Variants in TCF7L1 observed in about 807,000 individuals in gnomAD.
TCF7L1 encodes the protein transcription factor 7 like 1, also known as transcription factor 7-like 1.
A neutral mutation model predicts 63.7 loss-of-function variants in TCF7L1; 18 were observed. That is an observed-to-expected ratio of 0.28 (90% CI 0.20 to 0.42). The LOEUF (loss-of-function observed/expected upper bound fraction) is 0.42, where lower values mean the gene tolerates loss of function less well. Ranked by LOEUF, TCF7L1 falls within the 10% of genes least tolerant of loss-of-function variation. The pLI is 1.00. For synonymous variants in TCF7L1, 355 were observed against 340.9 expected, an observed-to-expected ratio of 1.04 and a Z score of -0.46; for missense variants, 654 against 779.3, an observed-to-expected ratio of 0.84 and a Z score of 1.91.
chr2:85,184,442 G>T (rs938431512), intron 3 of TCF7L1, among the ~76,000 whole-genome samples: 1 of 152,116 alleles, frequency 6.6e-6, no homozygotes, highest in Non-Finnish European at 1.5e-5. Flanking sequence ...TTCAGATTGG[G>T]TATTGGAGGA....
chr2:85,211,577 C>G (rs1214879115), intron 3 of TCF7L1, among the ~76,000 whole-genome samples: 1 of 152,184 alleles, frequency 6.6e-6, no homozygotes, highest in Admixed American at 6.5e-5. Flanking sequence ...ATAGGACCTG[C>G]TCCCTGCCCT....
intron 3 of TCF7L1, among the ~76,000 whole-genome samples, chr2:85,145,844 T>TTTTTA (rs571799971): frequency 6.9e-4 from 105 of 152,284 alleles, no homozygotes; most frequent in East Asian, 2.7e-3. Context: ...TTTTGCTATG[T>TTTTTA]TTTTATTTTA....
intron 3 of TCF7L1, among the ~76,000 whole-genome samples, chr2:85,183,665 G>C (rs1453496598): frequency 6.6e-6 from 1 of 152,186 alleles, no homozygotes; most frequent in African/African-American, 2.4e-5. Flanking sequence ...GTTTATGTCT[G>C]TGCCGAGCAT....
intron 4 of TCF7L1, among the ~76,000 whole-genome samples, chr2:85,284,351 A>T (rs904499148): frequency 1.3e-5 from 2 of 152,162 alleles, no homozygotes; most frequent in African/African-American, 4.8e-5. Context: ...AAAGAATTCA[A>T]TAGGACGTAT....
chr2:85,139,325 A>G (rs1034481971), intron 3 of TCF7L1, among the ~76,000 whole-genome samples: 1 of 152,100 alleles, frequency 6.6e-6, no homozygotes, highest in Non-Finnish European at 1.5e-5. Context: ...CACTCTTAAA[A>G]CTAATTCCTA....
intron 3 of TCF7L1, among the ~76,000 whole-genome samples, chr2:85,174,065 G>C (rs1678621098): frequency 6.6e-6 from 1 of 152,112 alleles, no homozygotes; most frequent in South Asian, 2.1e-4. Context: ...GTACAATTCA[G>C]CAGTTTTCAA....
At chr2:85,207,427 A>T (rs375418894) in intron 3 of TCF7L1, among the ~76,000 whole-genome samples, 1 of 152,064 alleles carries the variant, frequency 6.6e-6, no homozygotes, top group East Asian at 1.9e-4. Flanking sequence ...CCTTTCTCAC[A>T]GCACCCTTGG....
At chr2:85,184,913 C>G (rs1337188453) in intron 3 of TCF7L1, among the ~76,000 whole-genome samples, 1 of 152,046 alleles carries the variant, frequency 6.6e-6, no homozygotes, top group East Asian at 1.9e-4. Context: ...AAGGCAAAGA[C>G]TCTTAGCAGC....
chr2:85,240,997 T>G (rs1333713706), intron 3 of TCF7L1, among the ~76,000 whole-genome samples: 1 of 152,186 alleles, frequency 6.6e-6, no homozygotes, highest in Non-Finnish European at 1.5e-5. Flanking sequence ...GTGCCTTTTG[T>G]TTTTGTTTTT....
chr2:85,141,228 C>A (rs1677730115), intron 3 of TCF7L1, among the ~76,000 whole-genome samples: 1 of 151,740 alleles, frequency 6.6e-6, no homozygotes, highest in African/African-American at 2.4e-5. Flanking sequence ...GACAGTGAGA[C>A]CCTGTCTCTA....
chr2:85,204,581 A>G (rs1248763784), intron 3 of TCF7L1, among the ~76,000 whole-genome samples: 5 of 151,442 alleles, frequency 3.3e-5, no homozygotes, highest in Non-Finnish European at 7.4e-5. Flanking sequence ...GGGTCTTACT[A>G]TGTTGCCCAG....
chr2:85,306,710 G>A lies in TCF7L1; in HGVS notation c.1257+151G>A. Reference sequence around the variant, plus strand: ...GAGGCTCACCCTGTCACCCAGGCTGGAGTGCATGCAGTGGCGCGATCTCGG... The same window carrying A: ...GAGGCTCACCCTGTCACCCAGGCTGAAGTGCATGCAGTGGCGCGATCTCGG... On this transcript the variant is annotated intron_variant, in intron 10 of 11. Coordinates refer to ENST00000282111, the MANE Select transcript of TCF7L1 (RefSeq NM_031283.3). The surrounding 1 kb of genome is among the most constrained non-coding windows in gnomAD (Gnocchi z 4.3). 1.5e-6 allele frequency: 1 copy of A among 676,226 alleles called. No individual in the cohort carries two copies. Among genetic ancestry groups the A allele is most frequent in the South Asian group, 2.2e-5 (1 of 45,554 alleles). 41.9% of individuals were successfully genotyped at this position (676,226 alleles called of 1,614,324 possible). A position where few individuals can be genotyped will look rare whatever the true frequency, so the allele number is the denominator to read the frequency against.
At chr2:85,224,084 A>G (rs1222731335) in intron 3 of TCF7L1, among the ~76,000 whole-genome samples, 1 of 152,202 alleles carries the variant, frequency 6.6e-6, no homozygotes, top group Non-Finnish European at 1.5e-5. Context: ...GATGGTTTCC[A>G]GCTTCATCCA....
chr2:85,149,585 C>T (rs1215093351), intron 3 of TCF7L1, among the ~76,000 whole-genome samples: 1 of 151,904 alleles, frequency 6.6e-6, no homozygotes, highest in South Asian at 2.1e-4. Context: ...GAGTCAGTGG[C>T]GCCATCTCAG....
chr2:85,184,856 T>G (rs1300776714), intron 3 of TCF7L1, among the ~76,000 whole-genome samples: 1 of 151,892 alleles, frequency 6.6e-6, no homozygotes, highest in Non-Finnish European at 1.5e-5. Context: ...CCAGGCGGGC[T>G]GGGCTGTCAC....
intron 11 of TCF7L1, 60 bp downstream of exon 11, chr2:85,307,777 C>G: frequency 6.8e-7 from 1 of 1,476,522 alleles, no homozygotes; most frequent in Non-Finnish European, 9.5e-7. Flanking sequence ...CCACACCTGC[C>G]CATGCTGTCT....
At chr2:85,240,330 T>C (rs1037471325) in intron 3 of TCF7L1, among the ~76,000 whole-genome samples, 3 of 152,178 alleles carry the variant, frequency 2.0e-5, no homozygotes, top group African/African-American at 7.2e-5. Flanking sequence ...GCTGTGGAGA[T>C]GAAGGATGTT....
intron 3 of TCF7L1, among the ~76,000 whole-genome samples, chr2:85,271,679 C>G (rs529610826): frequency 6.6e-6 from 1 of 152,142 alleles, no homozygotes; most frequent in Admixed American, 6.5e-5. Context: ...CTTTAAAAAT[C>G]TCTCCTGTGG....
chr2:85,286,933 G>A (rs919435952), intron 4 of TCF7L1, among the ~76,000 whole-genome samples: 1 of 152,172 alleles, frequency 6.6e-6, no homozygotes, highest in Non-Finnish European at 1.5e-5. Context: ...GTGAGACCCT[G>A]TCGTGAACAA....
Sources: gnomAD v4.1 joint callset for allele counts (sites outside exome capture counted in the v4.1 genomes callset) on GRCh38, gnomAD v4.1.1 for gene constraint, Gnocchi (gnomAD v3.1) non-coding constraint, MANE v1.5 for transcripts, NCBI Gene and HGNC (gene_info 2026-07-23, HGNC 2026-07-21) for gene names.